The following BACH2 variants were observed in gnomAD, a reference collection of about 807,000 sequenced individuals.
The protein encoded by BACH2 is BACH transcriptional regulator 2.
In BACH2, 5 loss-of-function variants were observed where a neutral mutation model predicts 61.8. The observed-to-expected ratio is 0.08, with a 90% CI of 0.04 to 0.17. The LOEUF (loss-of-function observed/expected upper bound fraction) is 0.17, where lower values mean the gene tolerates loss of function less well. Ranked by LOEUF, BACH2 falls within the 10% of genes least tolerant of loss-of-function variation. The pLI is 1.00. For missense variants in BACH2, 824 were observed against 1,091.1 expected (o/e 0.76, Z 3.45); for synonymous variants, 446 against 440.1 (o/e 1.01, Z -0.17).
chr6:90,131,830 C>T (rs1784091647), intron 4 of BACH2, among the ~76,000 whole-genome samples: 1 of 152,184 alleles, frequency 6.6e-6, no homozygotes, highest in Non-Finnish European at 1.5e-5. Flanking sequence ...AAGAGAATGC[C>T]AAGCTGAGCA....
intron 4 of BACH2, among the ~76,000 whole-genome samples, chr6:90,142,538 C>T (rs188604513): frequency 6.6e-6 from 1 of 152,078 alleles, no homozygotes; most frequent in Non-Finnish European, 1.5e-5. Flanking sequence ...CCAAACAGTA[C>T]TTTGTTATTC....
chr6:89,978,800 A>G (rs1775794222), intron 6 of BACH2, among the ~76,000 whole-genome samples: 2 of 152,142 alleles, frequency 1.3e-5, no homozygotes, highest in Admixed American at 1.3e-4. Context: ...TGAGACTGAA[A>G]ACATTTTTAT....
At chr6:90,153,845 C>T (rs761322708) in intron 4 of BACH2, among the ~76,000 whole-genome samples, 4 of 152,088 alleles carry the variant, frequency 2.6e-5, no homozygotes, top group Non-Finnish European at 4.4e-5. Context: ...CCTTGAGGTT[C>T]GTAAGACAAA....
intron 5 of BACH2, among the ~76,000 whole-genome samples, chr6:90,013,576 G>C (rs1181039770): frequency 6.7e-6 from 1 of 149,126 alleles, no homozygotes; most frequent in Non-Finnish European, 1.5e-5. Flanking sequence ...GCGCGATCTC[G>C]GCTCACTGCA....
chr6:90,046,279 T>G (rs1396054664), intron 5 of BACH2, among the ~76,000 whole-genome samples: 1 of 152,218 alleles, frequency 6.6e-6, no homozygotes, highest in African/African-American at 2.4e-5. Context: ...AGTATGTGTC[T>G]ACCACATGCC....
intron 5 of BACH2, among the ~76,000 whole-genome samples, chr6:90,056,440 C>T (rs1780356169): frequency 6.6e-6 from 1 of 152,092 alleles, no homozygotes; most frequent in Admixed American, 6.5e-5. Context: ...AATATATATG[C>T]ACCCAATACA....
chr6:90,206,304 A>G (rs1207626966), intron 4 of BACH2, among the ~76,000 whole-genome samples: 2 of 152,146 alleles, frequency 1.3e-5, no homozygotes, highest in Non-Finnish European at 2.9e-5. Flanking sequence ...TCCAATATTC[A>G]TGCCAAGGCA....
intron 5 of BACH2, among the ~76,000 whole-genome samples, chr6:90,041,664 A>G (rs1229684069): frequency 6.6e-6 from 1 of 152,160 alleles, no homozygotes; most frequent in Admixed American, 6.5e-5. Context: ...TTAGACAATT[A>G]TGGATTTTTA....
chr6:90,112,285 C>T lies in BACH2; in HGVS notation c.-161-23176G>A, dbSNP rs535626776. Among the ~76,000 whole-genome samples the T allele has an allele frequency of 2.6e-5, 4 of 152,188 alleles. No individual in the cohort carries two copies. The South Asian group carries it at 6.2e-4, about 24-fold the overall frequency. On this transcript the variant is annotated intron_variant, in intron 4 of 8. Coordinates refer to ENST00000257749, the MANE Select transcript of BACH2 (RefSeq NM_021813.4). ...AGATTGTACACAAAAAGATCATCCC[C>T]AAGACACATAATTGTCAGATTTTCC...
At chr6:90,260,026 C>A (rs1268467784) in intron 2 of BACH2, among the ~76,000 whole-genome samples, 1 of 150,612 alleles carries the variant, frequency 6.6e-6, no homozygotes, top group African/African-American at 2.4e-5. Flanking sequence ...TTGATTCTTC[C>A]TGTGGCTTTT....
chr6:90,211,588 C>CTGTGTGTGTGTGTGTGTG (rs3072674), intron 3 of BACH2, among the ~76,000 whole-genome samples: 2 of 144,138 alleles, frequency 1.4e-5, no homozygotes, highest in Non-Finnish European at 3.0e-5. Flanking sequence ...GTGTCAAGGG[C>CTGTGTGTGTGTGTGTGTG]TGTGTGTGTG....
chr6:90,136,932 T>C (rs536257357), intron 4 of BACH2, among the ~76,000 whole-genome samples: 1 of 151,942 alleles, frequency 6.6e-6, no homozygotes, highest in African/African-American at 2.4e-5. Context: ...AGCTAACAGA[T>C]GTGCAAAAAT....
intron 4 of BACH2, among the ~76,000 whole-genome samples, chr6:90,106,729 T>C (rs952747663): frequency 1.3e-5 from 2 of 152,204 alleles, no homozygotes; most frequent in African/African-American, 4.8e-5. Flanking sequence ...GCTGATTAAA[T>C]ACCTCTAATG....
intron 3 of BACH2, among the ~76,000 whole-genome samples, chr6:90,236,341 G>C (rs1770259768): frequency 6.6e-6 from 1 of 152,208 alleles, no homozygotes; most frequent in South Asian, 2.1e-4. Context: ...AGACAAACCT[G>C]AGCCATGAGG....
intron 5 of BACH2, among the ~76,000 whole-genome samples, chr6:90,023,748 C>G (rs1360539564): frequency 6.6e-6 from 1 of 152,100 alleles, no homozygotes; most frequent in Non-Finnish European, 1.5e-5. Context: ...TATAAGAGAA[C>G]CCCTCTTACT....
Position 90,092,542 on chromosome 6 carries a change from T to C in BACH2, c.-161-3433A>G, listed in dbSNP as rs148194156. On this transcript the variant is annotated intron_variant, in intron 4 of 8. Coordinates refer to ENST00000257749, the MANE Select transcript of BACH2 (RefSeq NM_021813.4). The stretch of plus-strand genomic sequence containing the variant: ...CCCCACTCACTGCCTCGGAGCCTAC[T>C]ACCTCTCACAGGTTCTTGTGGGGAT... Among the ~76,000 whole-genome samples the C allele has an allele frequency of 7.9e-3, 1,208 of 152,114 alleles. 21 individuals are homozygous for C. Among genetic ancestry groups the C allele is most frequent in the African/African-American group, 0.028 (1,152 of 41,506 alleles).
chr6:90,275,048 G>A (rs533938608), intron 1 of BACH2, among the ~76,000 whole-genome samples: 4 of 152,316 alleles, frequency 2.6e-5, no homozygotes, highest in Admixed American at 6.5e-5. Flanking sequence ...CCCTTGCCCC[G>A]TGACCCCACA....
intron 4 of BACH2, among the ~76,000 whole-genome samples, chr6:90,102,303 G>T (rs1044597519): frequency 6.6e-6 from 1 of 152,014 alleles, no homozygotes; most frequent in Non-Finnish European, 1.5e-5. Context: ...GGTGAGACAC[G>T]AATCTATTTT....
chr6:90,258,915 A>G (rs1771069830), intron 2 of BACH2, among the ~76,000 whole-genome samples: 2 of 152,138 alleles, frequency 1.3e-5, no homozygotes, highest in Non-Finnish European at 2.9e-5. Context: ...TTTGCACCCC[A>G]CAGCTTTACT....
Sources: gnomAD v4.1 joint callset for allele counts (sites outside exome capture counted in the v4.1 genomes callset) on GRCh38, gnomAD v4.1.1 for gene constraint, MANE v1.5 for transcripts, NCBI Gene and HGNC (gene_info 2026-07-23, HGNC 2026-07-21) for gene names.